DGKI: variants seen among roughly 807,000 people sequenced by gnomAD.
DGKI encodes the protein diacylglycerol kinase iota, also known as DAG kinase iota.
A neutral mutation model predicts 147.5 loss-of-function variants in DGKI; 55 were observed. The observed-to-expected ratio is 0.37, with a 90% CI of 0.30 to 0.47. The LOEUF (loss-of-function observed/expected upper bound fraction) is 0.47, where lower values mean the gene tolerates loss of function less well. DGKI is among the 20% of genes least tolerant of loss of function. The probability of loss-of-function intolerance (pLI) is 1.00; values close to 1 mark genes in which losing one functional copy is unlikely to be tolerated. For missense variants in DGKI, 1,007 were observed against 1,323.8 expected, an observed-to-expected ratio of 0.76 and a Z score of 3.71; for synonymous variants, 469 against 477.1, an observed-to-expected ratio of 0.98 and a Z score of 0.22.
intron 1 of DGKI, among the ~76,000 whole-genome samples, chr7:137,768,666 G>A (rs1796089791): frequency 6.6e-6 from 1 of 152,150 alleles, no homozygotes; most frequent in Admixed American, 6.5e-5. Flanking sequence ...ATTACATAAG[G>A]TGCCCTGAAT....
intron 19 of DGKI, among the ~76,000 whole-genome samples, chr7:137,560,121 G>T (rs1037526035): frequency 6.6e-6 from 1 of 151,790 alleles, no homozygotes; most frequent in Admixed American, 6.6e-5. Context: ...TCATCCACTA[G>T]GACAACACAG....
intron 21 of DGKI, among the ~76,000 whole-genome samples, chr7:137,491,875 G>A (rs565513283): frequency 5.3e-5 from 8 of 152,284 alleles, no homozygotes; most frequent in South Asian, 2.1e-4. Flanking sequence ...AGAGGCCTAC[G>A]CAGATCCTAG....
intron 3 of DGKI, 63 bp downstream of exon 3, chr7:137,678,494 G>C (rs1823114409): frequency 6.6e-7 from 1 of 1,508,578 alleles, no homozygotes; most frequent in Admixed American, 1.7e-5. Flanking sequence ...ATTTAGGCAA[G>C]GTGACCCCTC....
At chr7:137,719,274 C>T (rs1794474921) in intron 1 of DGKI, among the ~76,000 whole-genome samples, 1 of 152,064 alleles carries the variant, frequency 6.6e-6, no homozygotes, top group Admixed American at 6.5e-5. Flanking sequence ...CAGCAGGAAT[C>T]TTTGCAGCAG....
chr7:137,608,992 C>T lies in DGKI; in HGVS notation c.1141G>A (p.Val381Met). Residue 381 changes from valine (V) to methionine (M), a missense_variant, in exon 10 of 33, where the codon GTG (valine) becomes ATG (methionine). By Grantham distance (21) the Val-to-Met change is conservative. Around this residue, in one of 5 missense-constraint regions of DGKI, gnomAD observed 259 missense variants for 362.5 expected, o/e 0.71. Transcript: ENST00000614521. ...SPLMKPLLVF[V>M]NPKSGGNQGT... ...TGGTTGCCTCCACTCTTGGGATTCA[C>T]AAATACAAGCAAGGGTTTCATGAGA... is the stretch of plus-strand genomic sequence containing the variant. The T allele has an allele frequency of 6.2e-7, 1 of 1,613,512 alleles. No individual in the cohort carries two copies.
chr7:137,608,878 T>C (rs1820271093), intron 10 of DGKI, 88 bp downstream of exon 10: 1 of 1,007,924 alleles, frequency 9.9e-7, no homozygotes, highest in Non-Finnish European at 1.5e-6. Flanking sequence ...CTTGGGATCC[T>C]AGTGGTACTA....
chr7:137,472,237 TATGTATATATACACATAATA>T (rs1814953086), intron 23 of DGKI, among the ~76,000 whole-genome samples: 1 of 111,268 alleles, frequency 9.0e-6, no homozygotes, highest in African/African-American at 3.8e-5. Flanking sequence ...ACATATAATA[TATGTATATATACACATAATA>T]TTATATGTAT....
chr7:137,618,151 A>ATATATATATATATATATATTTTTTT, intron 8 of DGKI, among the ~76,000 whole-genome samples: 4 of 10,464 alleles, frequency 3.8e-4, no homozygotes, highest in Non-Finnish European at 6.1e-4. Context: ...ATATATATAT[A>ATATATATATATATATATATTTTTTT]TTTTTTTTTT....
intron 8 of DGKI, among the ~76,000 whole-genome samples, chr7:137,610,355 C>A (rs931618736): frequency 2.6e-5 from 4 of 152,162 alleles, no homozygotes; most frequent in African/African-American, 4.8e-5. Context: ...CCCAAATTTA[C>A]TTTCCTTGTC....
chr7:137,818,732 G>A (rs1206286361), intron 1 of DGKI, among the ~76,000 whole-genome samples: 1 of 152,054 alleles, frequency 6.6e-6, no homozygotes, highest in Non-Finnish European at 1.5e-5. Flanking sequence ...GTGAGCCACC[G>A]CACCTGGCCC....
chr7:137,648,362 A>G (rs1027518832), intron 5 of DGKI, among the ~76,000 whole-genome samples: 2 of 152,216 alleles, frequency 1.3e-5, no homozygotes, highest in African/African-American at 2.4e-5. Flanking sequence ...CTCTACTCAA[A>G]AGAGTCAGCC....
intron 1 of DGKI, among the ~76,000 whole-genome samples, chr7:137,793,221 T>C (rs1796915009): frequency 6.6e-6 from 1 of 152,088 alleles, no homozygotes; most frequent in Non-Finnish European, 1.5e-5. Flanking sequence ...CCTTCATCTC[T>C]AGATAACGAA....
rs1222286147 is a variant in DGKI, at chr7:137,618,145, A to ATATATATATATG, written c.993+1678_993+1679insCATATATATATA. Among the ~76,000 whole-genome samples the ATATATATATATG allele has an allele frequency of 2.8e-3, 34 of 12,222 alleles. 3 individuals carry two copies. Among genetic ancestry groups the ATATATATATATG allele is most frequent in the African/African-American group, 7.8e-3 (32 of 4,094 alleles). The allele number at this position is 12,222 out of a possible 152,430, so 8.0% of individuals were successfully genotyped here. A position where few individuals can be genotyped will look rare whatever the true frequency, so the allele number is the denominator to read the frequency against. The stretch of plus-strand genomic sequence containing the variant: ...TAAAATACTATATATATATATATAT[A>ATATATATATATG]TATATATTTTTTTTTTTTTACTCTA... On this transcript the variant is annotated intron_variant, in intron 8 of 32. Coordinates refer to ENST00000614521, the MANE Select transcript of DGKI (RefSeq NM_001321708.2).
chr7:137,407,780 T>C (rs893155852), intron 30 of DGKI, 95 bp downstream of exon 30: 33 of 1,520,850 alleles, frequency 2.2e-5, no homozygotes, highest in Admixed American at 1.3e-4. Flanking sequence ...TCTGCCATTC[T>C]GAAAACTGCC....
intron 20 of DGKI, among the ~76,000 whole-genome samples, chr7:137,529,241 G>A (rs778737148): frequency 1.3e-5 from 2 of 152,024 alleles, no homozygotes; most frequent in South Asian, 4.1e-4. Context: ...ATGCTATTTT[G>A]GTGATAGATA....
At chr7:137,495,404 CA>C (rs36073500) in intron 21 of DGKI, among the ~76,000 whole-genome samples, 27,414 of 108,076 alleles carry the variant, frequency 0.25, 3,908 homozygotes, top group African/African-American at 0.46. Context: ...AACTATTTAA[CA>C]AAAAAAAAAA....
intron 2 of DGKI, among the ~76,000 whole-genome samples, chr7:137,684,926 C>T (rs772273598): frequency 6.6e-5 from 10 of 152,136 alleles, no homozygotes; most frequent in Non-Finnish European, 1.5e-4. Context: ...TGCACACGGA[C>T]GAGCACGCAC....
chr7:137,781,314 A>T (rs768724005), intron 1 of DGKI, among the ~76,000 whole-genome samples: 8 of 151,794 alleles, frequency 5.3e-5, no homozygotes, highest in Non-Finnish European at 8.8e-5. Context: ...CAGATATGAG[A>T]CCCTTAGCAA....
At chr7:137,502,295 A>G (rs1410188650) in intron 21 of DGKI, among the ~76,000 whole-genome samples, 1 of 152,178 alleles carries the variant, frequency 6.6e-6, no homozygotes, top group African/African-American at 2.4e-5. Context: ...GAAAAGCCAG[A>G]TAAGCCAGAA....
Sources: allele counts gnomAD v4.1 joint callset (sites outside exome capture counted in the v4.1 genomes callset), GRCh38; gene constraint gnomAD v4.1.1; regional missense constraint gnomAD v4.1.1; transcripts MANE v1.5; gene names NCBI Gene and HGNC (gene_info 2026-07-23, HGNC 2026-07-21).